Variants in ATOSB observed in about 807,000 individuals in gnomAD.
ATOSB encodes the protein atos homolog protein B.
At chr9:35,109,608 C>T in the ATOSB span, 4 of 152,224 alleles carry the variant, frequency 2.6e-5, no homozygotes, top group Non-Finnish European at 4.4e-5. Flanking sequence ...CTTTTGCTGT[C>T]TGACATTCAC....
chr9:35,106,765 G>A, the ATOSB span: 2 of 1,527,158 alleles, frequency 1.3e-6, no homozygotes, highest in East Asian at 2.5e-5. The surrounding 1 kb of genome is among the most constrained non-coding windows in gnomAD (Gnocchi z 4.6). Context: ...CTACTCGGAT[G>A]CTGGAAAGAG....
At chr9:35,115,365 T>A in the ATOSB span, among the ~76,000 whole-genome samples, 1 of 152,060 alleles carries the variant, frequency 6.6e-6, no homozygotes, top group Non-Finnish European at 1.5e-5. Context: ...ACAAGTGTCT[T>A]CCTGTAGTTA....
At chr9:35,106,094 C>T in the ATOSB span, 1 of 1,523,048 alleles carries the variant, frequency 6.6e-7, no homozygotes. This position sits in a 1 kb window ranked among gnomAD's most constrained non-coding sequence, Gnocchi z 4.6. Context: ...CAAGCTCTCA[C>T]CCTGAACCTG....
the ATOSB span, chr9:35,107,929 G>T: frequency 6.2e-7 from 1 of 1,601,054 alleles, no homozygotes; most frequent in East Asian, 2.2e-5. Context: ...GAGAAATGCT[G>T]GCTGGCCACA....
At chr9:35,110,373 T>C in the ATOSB span, 2 of 152,366 alleles carry the variant, frequency 1.3e-5, no homozygotes, top group African/African-American at 4.8e-5. Flanking sequence ...AGTTGCCCTC[T>C]TGACCCCTTG....
the ATOSB span, chr9:35,107,608 G>A: frequency 1.4e-5 from 22 of 1,594,248 alleles, no homozygotes; most frequent in East Asian, 4.5e-4. Flanking sequence ...TCGGGACTGT[G>A]CCCATTGGCA....
the ATOSB span, among the ~76,000 whole-genome samples, chr9:35,112,778 A>G: frequency 3.3e-5 from 5 of 152,182 alleles, no homozygotes; most frequent in East Asian, 9.6e-4. Flanking sequence ...CCATTCTTCT[A>G]CAGTTCAGAG....
chr9:35,111,881 C>T, the ATOSB span, among the ~76,000 whole-genome samples: 1 of 152,226 alleles, frequency 6.6e-6, no homozygotes, highest in African/African-American at 2.4e-5. Context: ...AGGCGTAGGC[C>T]TTCCACATCT....
chr9:35,106,400 A>T, the ATOSB span: 1 of 1,614,100 alleles, frequency 6.2e-7, no homozygotes. The surrounding 1 kb of genome is among the most constrained non-coding windows in gnomAD (Gnocchi z 4.6). Context: ...ACGTCCTCGC[A>T]GCAATGATTC....
At chr9:35,107,665 C>G in the ATOSB span, 3 of 1,608,944 alleles carry the variant, frequency 1.9e-6, no homozygotes, top group African/African-American at 2.7e-5. Flanking sequence ...TTGCCCACCC[C>G]AGCCACTGGG....
At chr9:35,115,262 G>T in the ATOSB span, among the ~76,000 whole-genome samples, 1 of 152,114 alleles carries the variant, frequency 6.6e-6, no homozygotes, top group Admixed American at 6.5e-5. Context: ...GCCCAGGCCA[G>T]AAGGCGGAGT....
chr9:35,115,139 C>T, the ATOSB span, among the ~76,000 whole-genome samples: 2 of 151,994 alleles, frequency 1.3e-5, no homozygotes, highest in Non-Finnish European at 2.9e-5. Context: ...AAGGGTCCCC[C>T]GGGACCTCAG....
the ATOSB span, chr9:35,111,695 T>C: frequency 1.3e-5 from 2 of 149,328 alleles, no homozygotes; most frequent in African/African-American, 4.9e-5. Context: ...TGCTCATTGG[T>C]CCATAGGAAG....
the ATOSB span, chr9:35,106,833 A>C: frequency 6.4e-7 from 1 of 1,568,138 alleles, no homozygotes; most frequent in Non-Finnish European, 8.7e-7. The surrounding 1 kb of genome is among the most constrained non-coding windows in gnomAD (Gnocchi z 4.6). Context: ...GGTCACTTAC[A>C]GCTTCAGGCG....
chr9:35,115,803 A>G, the ATOSB span: 1 of 151,584 alleles, frequency 6.6e-6, no homozygotes, highest in Non-Finnish European at 1.5e-5. Flanking sequence ...CCTGCCCCAC[A>G]CCTGTAGTTC....
At chr9:35,106,061 C>T in the ATOSB span, 4 of 1,573,248 alleles carry the variant, frequency 2.5e-6, no homozygotes, top group Non-Finnish European at 3.5e-6. This position sits in a 1 kb window ranked among gnomAD's most constrained non-coding sequence, Gnocchi z 4.6. Context: ...AAACCCTGGG[C>T]CCTAAACACA....
the ATOSB span, among the ~76,000 whole-genome samples, chr9:35,114,836 T>C: frequency 2.6e-5 from 4 of 152,140 alleles, no homozygotes; most frequent in South Asian, 8.3e-4. Flanking sequence ...TGGTTAAATG[T>C]GGCTACCAGT....
At chr9:35,114,508 C>T in the ATOSB span, among the ~76,000 whole-genome samples, 1 of 152,172 alleles carries the variant, frequency 6.6e-6, no homozygotes, top group Non-Finnish European at 1.5e-5. Context: ...CCCACCCTCT[C>T]CCAGCCAGCC....
the ATOSB span, among the ~76,000 whole-genome samples, chr9:35,114,784 T>C: frequency 0.18 from 27,943 of 152,124 alleles, 2,796 homozygotes; most frequent in Admixed American, 0.27. Flanking sequence ...TAGCGTTCCC[T>C]ACCCAGAAGG....
Sources: allele counts gnomAD v4.1 joint callset (sites outside exome capture counted in the v4.1 genomes callset), GRCh38; gene constraint gnomAD v4.1.1; non-coding constraint Gnocchi (gnomAD v3.1); transcripts MANE v1.5; gene names NCBI Gene and HGNC (gene_info 2026-07-23, HGNC 2026-07-21).